Variants in PDX1 observed in about 807,000 individuals in gnomAD.
PDX1 encodes the protein pancreas/duodenum homeobox protein 1.
In PDX1, 7 loss-of-function variants were observed where a neutral mutation model predicts 11.1. That is an observed-to-expected ratio of 0.63 (90% CI 0.36 to 1.19). The LOEUF (loss-of-function observed/expected upper bound fraction) is 1.19. PDX1 is among the 50% of genes most tolerant of loss of function. The pLI, the probability that PDX1 is intolerant of heterozygous loss-of-function variation, is 0.02. For missense variants in PDX1, 449 were observed against 412.1 expected, an observed-to-expected ratio of 1.09 and a Z score of -0.78; for synonymous variants, 232 against 196.2, an observed-to-expected ratio of 1.18 and a Z score of -1.53.
intron 1 of PDX1, among the ~76,000 whole-genome samples, chr13:27,922,897 G>C (rs1280884975): frequency 6.6e-6 from 1 of 152,226 alleles, no homozygotes; most frequent in Non-Finnish European, 1.5e-5. Context: ...GGGATGCCAG[G>C]TAGATTCGGG....
In PDX1 at chr13:27,924,760, G is replaced by A; in HGVS notation, c.*59G>A. 3.0e-6 allele frequency: 4 copies of A among 1,332,686 alleles called. No individual in the cohort carries two copies. Among genetic ancestry groups the A allele is most frequent in the Middle Eastern group, 5.4e-4 (2 of 3,722 alleles). The allele number at this position is 1,332,686 out of a possible 1,614,324, so 82.6% of individuals were successfully genotyped here. On this transcript the variant is annotated 3_prime_UTR_variant, in exon 2 of 2. Transcript: ENST00000381033. The surrounding 1 kb of genome is among the most constrained non-coding windows in gnomAD (Gnocchi z 4.8). ...ACCACTCGCCGAGGAGGAGCAGAGG[G>A]CCTAGGAGGACCCCGGGCGTGGACC...
At chr13:27,922,548 C>A (rs1470650391) in intron 1 of PDX1, among the ~76,000 whole-genome samples, 1 of 152,180 alleles carries the variant, frequency 6.6e-6, no homozygotes, top group African/African-American at 2.4e-5. Context: ...AAAACATTGA[C>A]CCCCAAATGC....
At chr13:27,923,954 C>G (rs975745522) in intron 1 of PDX1, among the ~76,000 whole-genome samples, 6 of 152,152 alleles carry the variant, frequency 3.9e-5, no homozygotes, top group Non-Finnish European at 7.3e-5. Flanking sequence ...TGATTAACAC[C>G]GATTATATGA....
At chr13:27,922,444 AT>A (rs1325746920) in intron 1 of PDX1, among the ~76,000 whole-genome samples, 1 of 152,250 alleles carries the variant, frequency 6.6e-6, no homozygotes, top group Non-Finnish European at 1.5e-5. Context: ...AAATTCAAAA[AT>A]TGCAAACCCA....
intron 1 of PDX1, among the ~76,000 whole-genome samples, chr13:27,921,398 G>C (rs1364125755): frequency 1.3e-5 from 2 of 152,242 alleles, no homozygotes; most frequent in South Asian, 2.1e-4. Flanking sequence ...CCCGGAGCCG[G>C]GAGCCGGAGG....
At position 27,924,510 on chromosome 13, in the gene PDX1, G is replaced by T. The variant is rs150559931; in HGVS notation, c.661G>T (p.Ala221Ser). The change falls in exon 2 of 2, where the codon GCG (alanine) becomes TCG (serine). Residue 221 changes from alanine to serine, a missense_variant. Ala to Ser is a moderately conservative substitution (Grantham distance 99, BLOSUM62 1). This residue lies in a region of PDX1 where 139 missense variants were observed against 121.4 expected (regional missense o/e 1.14). Transcript: ENST00000381033. This position sits in a 1 kb window ranked among gnomAD's most constrained non-coding sequence, Gnocchi z 4.8. Reference sequence around the variant, plus strand: ...GACAGCTGTCGGGGGTGGCGGGGTCGCGGAGCCTGAGCAGGACTGCGCCGT... The same window carrying T: ...GACAGCTGTCGGGGGTGGCGGGGTCTCGGAGCCTGAGCAGGACTGCGCCGT... ...GGTAVGGGGV[A>S]EPEQDCAVTS... 1.1e-5 allele frequency: 17 copies of T among 1,610,330 alleles called. No individual in the cohort carries two copies. Among genetic ancestry groups the T allele is most frequent in the Non-Finnish European group, 1.4e-5 (17 of 1,179,040 alleles).
Position 27,924,509 on chromosome 13 carries a change from C to G in PDX1, c.660C>G (p.Val220=). Residue 220 remains valine (V), a synonymous_variant, in exon 2 of 2, where the codon GTC becomes GTG. Transcript: ENST00000381033. This position sits in a 1 kb window ranked among gnomAD's most constrained non-coding sequence, Gnocchi z 4.8. Reference sequence around the variant, plus strand: ...GGACAGCTGTCGGGGGTGGCGGGGTCGCGGAGCCTGAGCAGGACTGCGCCG... The same window carrying G: ...GGACAGCTGTCGGGGGTGGCGGGGTGGCGGAGCCTGAGCAGGACTGCGCCG... The part of the protein sequence containing the change: ...GGGTAVGGGG[V]AEPEQDCAVT... 6.2e-7 allele frequency: 1 copy of G among 1,610,496 alleles called. No individual in the cohort carries two copies. Among genetic ancestry groups the G allele is most frequent in the Non-Finnish European group, 8.5e-7 (1 of 1,179,114 alleles).
In PDX1 at chr13:27,920,352, C is replaced by T. The variant is rs778216763; in HGVS notation, c.214C>T (p.Pro72Ser). The part of the protein sequence containing the change: ...PPDISPYEVP[P>S]LADDPAVAHL... Reference sequence around the variant, plus strand: ...GGACATCTCCCCGTACGAGGTGCCCCCCCTCGCCGACGACCCCGCGGTGGC... The same window carrying T: ...GGACATCTCCCCGTACGAGGTGCCCTCCCTCGCCGACGACCCCGCGGTGGC... Residue 72 changes from proline to serine, a missense_variant, in exon 1 of 2, where the codon CCC (proline) becomes TCC (serine). Transcript: ENST00000381033. The T allele has an allele frequency of 1.9e-6, 3 of 1,542,240 alleles. No individual in the cohort carries two copies. The African/African-American group carries it at 4.1e-5, about 21-fold the overall frequency.
rs868588100 is a variant in PDX1, at chr13:27,925,209, A to G, written c.*508A>G. 1 of 197,646 alleles carries G rather than the reference A, an allele frequency of 5.1e-6. No individual in the cohort carries two copies. Among genetic ancestry groups the G allele is most frequent in the African/African-American group, 2.4e-5 (1 of 42,502 alleles). The allele number at this position is 197,646 out of a possible 1,614,324, so 12.2% of individuals were successfully genotyped here. On this transcript the variant is annotated 3_prime_UTR_variant, in exon 2 of 2. Transcript: ENST00000381033. The stretch of plus-strand genomic sequence containing the variant: ...AAAGGAAATGTTTGAGTTTTCAAAG[A>G]TCCCGTGAAATTGATGCCAGTGGAA...
rs1957813056 is a variant in PDX1 at position 27,924,681 on chromosome 13, C to A, written c.832C>A (p.Arg278=). The A allele has an allele frequency of 1.4e-6, 2 of 1,468,148 alleles. No homozygotes were observed. Among genetic ancestry groups the A allele is most frequent in the African/African-American group, 1.5e-5 (1 of 68,620 alleles). The allele number at this position is 1,468,148 out of a possible 1,614,324, so 90.9% of individuals were successfully genotyped here. The stretch of plus-strand genomic sequence containing the variant: ...ACAGCCCTCCAGCGTCGCGCCTCGG[C>A]GGCCGCAGGAACCACGATGAGAGGC... ...SPQPSSVAPR[R]PQEPR Residue 278 remains arginine (R), a synonymous_variant, in exon 2 of 2, where the codon CGG becomes AGG. Transcript: ENST00000381033. The surrounding 1 kb of genome is among the most constrained non-coding windows in gnomAD (Gnocchi z 4.8).
Position 27,920,209 on chromosome 13 carries a change from C to T in PDX1, c.71C>T (p.Pro24Leu), listed in dbSNP as rs921718972. ...YKDPCAFQRG[P>L]APEFSASPPA... ...GACCCATGCGCGTTCCAGCGAGGCC[C>T]GGCGCCGGAGTTCAGCGCCAGCCCC... The change falls in exon 1 of 2, where the codon CCG becomes CTG. Residue 24 changes from proline to leucine, a missense_variant. Coordinates refer to ENST00000381033, the MANE Select transcript of PDX1 (RefSeq NM_000209.4). 4 of 1,549,266 alleles carry T rather than the reference C, an allele frequency of 2.6e-6. No homozygotes were observed. The highest frequency in any genetic ancestry group is 1.4e-5 in the African/African-American group (1 of 73,000).
intron 1 of PDX1, among the ~76,000 whole-genome samples, chr13:27,920,761 C>T (rs1199963331): frequency 1.3e-5 from 2 of 152,218 alleles, no homozygotes; most frequent in Non-Finnish European, 1.5e-5. Context: ...GGAGTGTACA[C>T]TCCTTCCTTC....
At chr13:27,921,479 C>G (rs1957787028) in intron 1 of PDX1, among the ~76,000 whole-genome samples, 1 of 152,252 alleles carries the variant, frequency 6.6e-6, no homozygotes, top group East Asian at 1.9e-4. Flanking sequence ...GTGTCGTCGC[C>G]GCTACTCACT....
Position 27,925,037 on chromosome 13 carries a change from G to C in PDX1, c.*336G>C, listed in dbSNP as rs1021325661. On this transcript the variant is annotated 3_prime_UTR_variant, in exon 2 of 2. Coordinates refer to ENST00000381033, the MANE Select transcript of PDX1 (RefSeq NM_000209.4). Reference sequence around the variant, plus strand: ...CACTCCACCTTGGGACCTGTTTAGAGAAGCCGGCTCTTCAAAGACAATGGA... The same window carrying C: ...CACTCCACCTTGGGACCTGTTTAGACAAGCCGGCTCTTCAAAGACAATGGA... 2.0e-5 allele frequency: 6 copies of C among 304,054 alleles called. No individual in the cohort carries two copies. The highest frequency in any genetic ancestry group is 8.7e-5 in the African/African-American group (4 of 45,790). 18.8% of individuals were successfully genotyped at this position (304,054 alleles called of 1,614,324 possible).
rs750762696 is a variant in PDX1 at position 27,920,537 on chromosome 13, G to T, written c.399G>T (p.Gln133His). The T allele has an allele frequency of 2.0e-5, 32 of 1,612,936 alleles. No homozygotes were observed. In the East Asian group the frequency reaches 7.1e-4, roughly 36 times the overall value. Residue 133 changes from glutamine to histidine, a missense_variant, in exon 1 of 2, where the codon CAG becomes CAT. Transcript: ENST00000381033. ...CCAAAGCTCACGCGTGGAAAGGCCAGTGGGCAGGTAAGCCTGGCTCCCCAC... is the reference window on the plus strand; with the variant it reads ...CCAAAGCTCACGCGTGGAAAGGCCATTGGGCAGGTAAGCCTGGCTCCCCAC... Reference protein sequence around the residue: ...KSTKAHAWKGQWAGGAYAAEP... With the variant: ...KSTKAHAWKGHWAGGAYAAEP...
Position 27,920,131 on chromosome 13 carries a change from C to A in PDX1, c.-8C>A, listed in dbSNP as rs1199576056. On this transcript the variant is annotated 5_prime_UTR_variant, in exon 1 of 2. Transcript: ENST00000381033. ...CCGGCTCCCGGTGCCCAATCCCGGG[C>A]CGCAGCCATGAACGGCGAGGAGCAG... 1.9e-6 allele frequency: 3 copies of A among 1,549,526 alleles called. No individual in the cohort carries two copies. In the East Asian group the frequency reaches 7.3e-5, roughly 38 times the overall value.
rs763763249 is a variant in PDX1, at chr13:27,924,211, G to T, written c.407-45G>T. ...GGGTTGGGCTGCGTGGGTGGGGGCT[G>T]TGCGGGGCTCCGGGGGCCACACTCA... On this transcript the variant is annotated intron_variant, in intron 1 of 1. Transcript: ENST00000381033. The surrounding 1 kb of genome is among the most constrained non-coding windows in gnomAD (Gnocchi z 4.8). The T allele has an allele frequency of 1.3e-6, 2 of 1,497,494 alleles. No individual in the cohort carries two copies. The highest frequency in any genetic ancestry group is 4.8e-5 in the East Asian group (2 of 41,254). 92.8% of individuals were successfully genotyped at this position (1,497,494 alleles called of 1,614,324 possible).
intron 1 of PDX1, among the ~76,000 whole-genome samples, chr13:27,922,763 G>A (rs1367878900): frequency 1.3e-5 from 2 of 152,180 alleles, no homozygotes; most frequent in Non-Finnish European, 2.9e-5. Flanking sequence ...AAGCCCTCTC[G>A]CAGGGACTAT....
Position 27,920,206 on chromosome 13 carries a change from G to A in PDX1, c.68G>A (p.Gly23Asp), listed in dbSNP as rs1435965192. The A allele has an allele frequency of 1.9e-6, 3 of 1,549,476 alleles. No individual in the cohort carries two copies. The highest frequency in any genetic ancestry group is 2.6e-6 in the Non-Finnish European group (3 of 1,146,520). ...LYKDPCAFQR[G>D]PAPEFSASPP... ...AAGGACCCATGCGCGTTCCAGCGAG[G>A]CCCGGCGCCGGAGTTCAGCGCCAGC... The change falls in exon 1 of 2, where the codon GGC (glycine) becomes GAC (aspartate). Residue 23 changes from glycine to aspartate, a missense_variant. Around this residue, in one of 3 missense-constraint regions of PDX1, gnomAD observed 263 missense variants for 212.5 expected, o/e 1.24. Transcript: ENST00000381033.
Sources: allele counts gnomAD v4.1 joint callset (sites outside exome capture counted in the v4.1 genomes callset), GRCh38; gene constraint gnomAD v4.1.1; regional missense constraint gnomAD v4.1.1; non-coding constraint Gnocchi (gnomAD v3.1); transcripts MANE v1.5; gene names NCBI Gene and HGNC (gene_info 2026-07-23, HGNC 2026-07-21).